PTPN2: variants seen among roughly 807,000 people sequenced by gnomAD.
PTPN2 encodes tyrosine-protein phosphatase non-receptor type 2.
PTPN2 carries 19 observed loss-of-function variants against 57.3 expected under a neutral mutation model. That is an observed-to-expected ratio of 0.33 (90% CI 0.23 to 0.49). The LOEUF is 0.49. Among genes scored for constraint, PTPN2 ranks in the 20% least tolerant of loss-of-function variants. The probability of loss-of-function intolerance (pLI) is 0.99; values close to 1 mark genes in which losing one functional copy is unlikely to be tolerated. For missense variants in PTPN2, 358 were observed against 501.1 expected (o/e 0.71, Z 2.73); for synonymous variants, 153 against 164.9 (o/e 0.93, Z 0.55).
chr18:12,878,171 T>C (rs1422005205), intron 1 of PTPN2, among the ~76,000 whole-genome samples: 1 of 151,306 alleles, frequency 6.6e-6, no homozygotes, highest in African/African-American at 2.4e-5. Context: ...ACCCTGTCTC[T>C]ACAAAAAATA....
At position 12,842,597 on chromosome 18, in the gene PTPN2, C is replaced by T. The variant is rs1199507703; in HGVS notation, c.161-5706G>A. On this transcript the variant is annotated intron_variant, in intron 2 of 8. Coordinates refer to ENST00000309660, the MANE Select transcript of PTPN2 (RefSeq NM_002828.4). Reference sequence around the variant, plus strand: ...ACAGTGTTCCAAGCACAGAGAACGGCGAATGACTTAAGGTGGTACATACCT... The same window carrying T: ...ACAGTGTTCCAAGCACAGAGAACGGTGAATGACTTAAGGTGGTACATACCT... Among the ~76,000 whole-genome samples, 4 of 151,982 alleles carry T rather than the reference C, an allele frequency of 2.6e-5. No individual in the cohort carries two copies. The East Asian group carries it at 5.8e-4, about 22-fold the overall frequency.
rs199758431 is a variant in PTPN2 at position 12,815,085 on chromosome 18, AAAATAAATAAATAAATAAAT to A, written c.706-750_706-731del. ...GGCGACAGAGCGAGACTCCATCTCA[AAAATAAATAAATAAATAAAT>A]AAATAAATAAATAAATAAATAAATA... On this transcript the variant is annotated intron_variant, in intron 6 of 8. Transcript: ENST00000309660. 5.4e-3 allele frequency among the ~76,000 whole-genome samples: 741 copies of A among 137,192 alleles called. 2 individuals are homozygous for A. Among genetic ancestry groups the A allele is most frequent in the Non-Finnish European group, 7.5e-3 (485 of 64,272 alleles). 90.0% of individuals were successfully genotyped at this position (137,192 alleles called of 152,430 possible).
intron 7 of PTPN2, among the ~76,000 whole-genome samples, chr18:12,802,533 T>G (rs767642120): frequency 6.6e-6 from 1 of 152,090 alleles, no homozygotes; most frequent in African/African-American, 2.4e-5. Flanking sequence ...CTGAACACAT[T>G]CAATGCAAAG....
intron 2 of PTPN2, among the ~76,000 whole-genome samples, chr18:12,857,365 G>C (rs1056170835): frequency 3.9e-5 from 6 of 152,120 alleles, no homozygotes; most frequent in African/African-American, 1.4e-4. Context: ...TGTAAAACTG[G>C]TGAAACCTGG....
intron 1 of PTPN2, among the ~76,000 whole-genome samples, chr18:12,870,761 G>A (rs139575487): frequency 0.1 from 15,660 of 151,238 alleles, 1,006 homozygotes; most frequent in Non-Finnish European, 0.15. Flanking sequence ...CGCCCACCTC[G>A]GCCTCCCAAA....
chr18:12,789,327 A>T (rs1598718306), downstream of PTPN2, among the ~76,000 whole-genome samples: 4 of 152,322 alleles, frequency 2.6e-5, no homozygotes, highest in South Asian at 8.3e-4. Context: ...AACTGGGGAG[A>T]AGGATGAGTG....
intron 1 of PTPN2, among the ~76,000 whole-genome samples, chr18:12,867,883 C>T (rs779095597): frequency 3.9e-5 from 6 of 152,222 alleles, no homozygotes; most frequent in Non-Finnish European, 5.9e-5. Flanking sequence ...TATTTGGACA[C>T]CTGAATTACA....
intron 2 of PTPN2, among the ~76,000 whole-genome samples, chr18:12,844,874 T>C (rs1329256385): frequency 6.6e-6 from 1 of 152,248 alleles, no homozygotes; most frequent in Non-Finnish European, 1.5e-5. Flanking sequence ...TTTTACATTA[T>C]GATCCATCTA....
At chr18:12,807,584 A>ATATATATATATATAT (rs1555660747) in intron 7 of PTPN2, among the ~76,000 whole-genome samples, 1 of 55,010 alleles carries the variant, frequency 1.8e-5, no homozygotes, top group Non-Finnish European at 3.8e-5. Context: ...AAAAAAAAAA[A>ATATATATATATATAT]AAATATATAT....
intron 1 of PTPN2, among the ~76,000 whole-genome samples, chr18:12,882,016 T>C (rs1399040168): frequency 3.9e-5 from 6 of 151,940 alleles, no homozygotes; most frequent in Admixed American, 3.9e-4. Context: ...ACCTCGAGGG[T>C]AGGAAACTTG....
chr18:12,877,076 G>A (rs2044515348), intron 1 of PTPN2, among the ~76,000 whole-genome samples: 1 of 152,206 alleles, frequency 6.6e-6, no homozygotes, highest in Admixed American at 6.5e-5. Context: ...TCACAACACT[G>A]TATTGGCCCA....
chr18:12,809,277 C>T (rs8084006), intron 7 of PTPN2, among the ~76,000 whole-genome samples: 1 of 152,080 alleles, frequency 6.6e-6, no homozygotes, highest in Non-Finnish European at 1.5e-5. Flanking sequence ...GCATGTGAAG[C>T]GCCCAGCATC....
At chr18:12,836,429 C>T (rs906441460) in intron 3 of PTPN2, among the ~76,000 whole-genome samples, 3 of 152,194 alleles carry the variant, frequency 2.0e-5, no homozygotes, top group Non-Finnish European at 4.4e-5. Context: ...TACAGAAGAG[C>T]TGTCCAGGGC....
chr18:12,843,211 G>A (rs1387196972), intron 2 of PTPN2, among the ~76,000 whole-genome samples: 1 of 152,012 alleles, frequency 6.6e-6, no homozygotes, highest in Non-Finnish European at 1.5e-5. Flanking sequence ...CATCCCAGTC[G>A]CCGACAGTCC....
At chr18:12,883,963 A>C in intron 1 of PTPN2, 110 bp downstream of exon 1, 1 of 950,660 alleles carries the variant, frequency 1.1e-6, no homozygotes, top group South Asian at 1.7e-5. Flanking sequence ...TTCCGCCCCG[A>C]GCGAGAGGCT....
exon 10 of PTPN2, chr18:12,785,832 T>C: frequency 6.2e-7 from 1 of 1,610,338 alleles, no homozygotes; most frequent in Non-Finnish European, 8.5e-7. Context: ...ATTAGGTGTC[T>C]GTCAATCTTG....
At chr18:12,882,407 G>A (rs2044694020) in intron 1 of PTPN2, among the ~76,000 whole-genome samples, 1 of 152,200 alleles carries the variant, frequency 6.6e-6, no homozygotes, top group Non-Finnish European at 1.5e-5. Flanking sequence ...TTTCTGGAAA[G>A]AGGAATCACA....
chr18:12,842,994 A>G (rs761687708), intron 2 of PTPN2, among the ~76,000 whole-genome samples: 120 of 152,236 alleles, frequency 7.9e-4, no homozygotes, highest in Non-Finnish European at 1.3e-3. Flanking sequence ...CTAATTCGGC[A>G]GAAAGGAAAA....
In PTPN2 at chr18:12,819,043, G is replaced by A. The variant is rs1309362045; in HGVS notation, c.496-1678C>T. 5 of 325,600 alleles carry A rather than the reference G, an allele frequency of 1.5e-5. No homozygotes were observed. In the South Asian group the frequency reaches 1.7e-4, roughly 11 times the overall value. The allele number at this position is 325,600 out of a possible 1,614,324, so 20.2% of individuals were successfully genotyped here. A position where few individuals can be genotyped will look rare whatever the true frequency, so the allele number is the denominator to read the frequency against. ...CGGGAGGCGGAGGTTGTGGTGAGCCGAGATCGTGCCATTGTACTCCAGCCT... is the reference window on the plus strand; with the variant it reads ...CGGGAGGCGGAGGTTGTGGTGAGCCAAGATCGTGCCATTGTACTCCAGCCT... On this transcript the variant is annotated intron_variant, in intron 5 of 8. Coordinates refer to ENST00000309660, the MANE Select transcript of PTPN2 (RefSeq NM_002828.4).
Sources: allele counts gnomAD v4.1 joint callset (sites outside exome capture counted in the v4.1 genomes callset), GRCh38; gene constraint gnomAD v4.1.1; transcripts MANE v1.5; gene names NCBI Gene and HGNC (gene_info 2026-07-23, HGNC 2026-07-21).